CRLF2: variants seen among roughly 807,000 people sequenced by gnomAD.
CRLF2 encodes cytokine receptor-like factor 2.
In CRLF2, 41 loss-of-function variants were observed where a neutral mutation model predicts 38.7. That is an observed-to-expected ratio of 1.06 (90% CI 0.83 to 1.37). The LOEUF (loss-of-function observed/expected upper bound fraction) is 1.37, where lower values mean the gene tolerates loss of function less well. Ranked by LOEUF, CRLF2 falls within the 40% of genes most tolerant of loss-of-function variation. The pLI, the probability that CRLF2 is intolerant of heterozygous loss-of-function variation, is 0.00. For synonymous variants in CRLF2, 140 were observed against 128.8 expected, an observed-to-expected ratio of 1.09 and a Z score of -0.59; for missense variants, 377 against 322.2, an observed-to-expected ratio of 1.17 and a Z score of -1.30.
intron 6 of CRLF2, among the ~76,000 whole-genome samples, chrX:1,194,353 T>C (rs2086443784): frequency 6.6e-6 from 1 of 151,852 alleles, no homozygotes. Flanking sequence ...TCCCAGCTGC[T>C]TGGGAGGCTA....
Position 1,206,605 on chromosome X carries a change from G to C in CRLF2, c.183-6C>G. ...AGGCCTCATCACCGTTGAATCTGTG[G>C]TTTAAAACGATGACCATTCAGCAAC... On this transcript the variant is annotated splice_polypyrimidine_tract_variant and splice_region_variant and intron_variant, in intron 2 of 7. Transcript: ENST00000400841. 3 of 1,612,130 alleles carry C rather than the reference G, an allele frequency of 1.9e-6. No homozygotes were observed. Among genetic ancestry groups the C allele is most frequent in the African/African-American group, 2.7e-5 (2 of 75,006 alleles).
rs1161094636 is a variant in CRLF2, at chrX:1,202,598, C to A, written c.350-63G>T. 4 of 1,599,186 alleles carry A rather than the reference C, an allele frequency of 2.5e-6. No individual in the cohort carries two copies. In the African/African-American group the frequency reaches 5.4e-5, roughly 21 times the overall value. On this transcript the variant is annotated intron_variant, in intron 3 of 7. Coordinates refer to ENST00000400841, the MANE Select transcript of CRLF2 (RefSeq NM_022148.4). ...TCTGAGCTGATTGTGACAGGCTGACCTCATCCCCTTTCTCTAGCCTGTACC... is the reference window on the plus strand; with the variant it reads ...TCTGAGCTGATTGTGACAGGCTGACATCATCCCCTTTCTCTAGCCTGTACC...
intron 4 of CRLF2, among the ~76,000 whole-genome samples, chrX:1,201,683 GTAGATAGATAGATGATACT>G (rs1323267551): frequency 6.6e-6 from 1 of 150,722 alleles, no homozygotes; most frequent in Non-Finnish European, 1.5e-5. Context: ...ATGATACAGA[GTAGATAGATAGATGATACT>G]TAGATAGATA....
intron 7 of CRLF2, among the ~76,000 whole-genome samples, chrX:1,192,863 G>C (rs1275754267): frequency 5.4e-5 from 8 of 147,740 alleles, no homozygotes; most frequent in South Asian, 2.1e-4. Context: ...ACCCAGGCTG[G>C]AGTGCAGTGG....
At chrX:1,204,451 C>T (rs181231298) in intron 3 of CRLF2, among the ~76,000 whole-genome samples, 48 of 152,142 alleles carry the variant, frequency 3.2e-4, no homozygotes, top group African/African-American at 1.1e-3. Flanking sequence ...TGGTCTCGAA[C>T]TCCCCACGTC....
chrX:1,192,209 A>AG (rs1247892027), intron 7 of CRLF2, among the ~76,000 whole-genome samples: 9,767 of 138,942 alleles, frequency 0.07, 427 homozygotes, highest in Middle Eastern at 0.18. Context: ...CGTCTCAAAA[A>AG]AAAAAAAAAA....
chrX:1,209,289 T>TTTTATTGTAG (rs1556425179), intron 1 of CRLF2, among the ~76,000 whole-genome samples: 1 of 106,782 alleles, frequency 9.4e-6, no homozygotes, highest in Admixed American at 1.1e-4. Flanking sequence ...TTGTATTGCA[T>TTTTATTGTAG]TGTATTGTAG....
Position 1,197,891 on chromosome X carries a change from A to T in CRLF2, c.646+671T>A, listed in dbSNP as rs188575922. On this transcript the variant is annotated intron_variant, in intron 5 of 7. Coordinates refer to ENST00000400841, the MANE Select transcript of CRLF2 (RefSeq NM_022148.4). ...TGGCGTGTACACTGTAATCCCAGGC[A>T]CTCGGGAGGCTGAGGCGGGAGAATC... Among the ~76,000 whole-genome samples the T allele has an allele frequency of 1.5e-3, 235 of 152,032 alleles. 1 individual carries two copies. Among genetic ancestry groups the T allele is most frequent in the African/African-American group, 5.2e-3 (216 of 41,474 alleles).
chrX:1,210,222 A>T (rs1427182199), intron 1 of CRLF2, among the ~76,000 whole-genome samples: 1 of 152,144 alleles, frequency 6.6e-6, no homozygotes, highest in Non-Finnish European at 1.5e-5. Context: ...TTGATGTTTC[A>T]AGAGGTCTGG....
chrX:1,200,949 A>T (rs2086595069), intron 4 of CRLF2, among the ~76,000 whole-genome samples: 1 of 151,808 alleles, frequency 6.6e-6, no homozygotes, highest in Non-Finnish European at 1.5e-5. Context: ...TTGTGAGGTG[A>T]TTTCTTCATT....
In CRLF2 at chrX:1,191,233, G is replaced by A. The variant is rs1335860703; in HGVS notation, c.853-73C>T. The A allele has an allele frequency of 3.7e-3, 1,489 of 398,612 alleles. 9 individuals carry two copies. The highest frequency in any genetic ancestry group is 0.018 in the African/African-American group (873 of 48,678). 24.7% of individuals were successfully genotyped at this position (398,612 alleles called of 1,614,324 possible). On this transcript the variant is annotated intron_variant, in intron 7 of 7. Coordinates refer to ENST00000400841, the MANE Select transcript of CRLF2 (RefSeq NM_022148.4). ...CAGCGTCCTGAGCATCCGTACAGAC[G>A]GTACCCACCACAGACATCCCTGGAC...
At chrX:1,197,396 C>T (rs1329611163) in intron 5 of CRLF2, among the ~76,000 whole-genome samples, 15 of 152,006 alleles carry the variant, frequency 9.9e-5, no homozygotes, top group East Asian at 3.9e-4. Flanking sequence ...ACAGCCACCC[C>T]GAGGAAGTAA....
intron 4 of CRLF2, chrX:1,199,025 T>A: frequency 2.3e-6 from 1 of 440,682 alleles, no homozygotes; most frequent in Non-Finnish European, 4.3e-6. Flanking sequence ...GGCGGGTGCC[T>A]GTAATCCCAG....
At chrX:1,197,259 A>G (rs1448695757) in intron 5 of CRLF2, among the ~76,000 whole-genome samples, 1 of 148,362 alleles carries the variant, frequency 6.7e-6, no homozygotes, top group Non-Finnish European at 1.5e-5. Context: ...CACCGGGCTA[A>G]TTTTTGTATT....
intron 7 of CRLF2, among the ~76,000 whole-genome samples, chrX:1,192,311 C>A (rs1354202654): frequency 4.0e-5 from 6 of 151,522 alleles, no homozygotes; most frequent in African/African-American, 1.2e-4. Context: ...ACACAGCTGA[C>A]CAGCATTAAA....
intron 2 of CRLF2, among the ~76,000 whole-genome samples, 170 bp from the exon 3 acceptor site, chrX:1,206,769 A>G (rs1427578640): frequency 6.6e-6 from 1 of 151,576 alleles, no homozygotes; most frequent in Non-Finnish European, 1.5e-5. Context: ...CAGCCTCCTG[A>G]GTAGCTGGGA....
rs1474684019 is a variant in CRLF2 at position 1,196,894 on chromosome X, C to T, written c.653G>A (p.Cys218Tyr). The T allele has an allele frequency of 6.2e-7, 1 of 1,612,580 alleles. No individual in the cohort carries two copies. Among genetic ancestry groups the T allele is most frequent in the Admixed American group, 1.7e-5 (1 of 59,604 alleles). ...TTTGGGAGGCGTTGGTGTCTCTGCA[C>T]AGGCATCTGAAACAAAATGAAAAGG... is the stretch of plus-strand genomic sequence containing the variant. ...CWQRGEIRDA[C>Y]AETPTPPKPK... Residue 218 changes from cysteine to tyrosine, a missense_variant, in exon 6 of 8, where the codon TGT (cysteine) becomes TAT (tyrosine). Cys to Tyr is a radical substitution (Grantham distance 194, BLOSUM62 -2). Coordinates refer to ENST00000400841, the MANE Select transcript of CRLF2 (RefSeq NM_022148.4).
intron 4 of CRLF2, among the ~76,000 whole-genome samples, chrX:1,201,508 T>G (rs2086605344): frequency 1.7e-5 from 1 of 57,296 alleles, no homozygotes; most frequent in Non-Finnish European, 3.8e-5. Flanking sequence ...GATACATAGA[T>G]GATAGAGCGA....
intron 5 of CRLF2, among the ~76,000 whole-genome samples, chrX:1,197,169 T>C (rs754559705): frequency 6.8e-6 from 1 of 148,062 alleles, no homozygotes; most frequent in Non-Finnish European, 1.5e-5. Context: ...CTCAGCTCAC[T>C]GCAACCTCCG....
Sources: allele counts gnomAD v4.1 joint callset (sites outside exome capture counted in the v4.1 genomes callset), GRCh38; gene constraint gnomAD v4.1.1; transcripts MANE v1.5; gene names NCBI Gene and HGNC (gene_info 2026-07-23, HGNC 2026-07-21).